TCF20: variants seen among roughly 807,000 people sequenced by gnomAD.
TCF20 encodes the protein transcription factor 20, also known as SPRE-binding protein.
In TCF20, 3 loss-of-function variants were observed where a neutral mutation model predicts 148.6. The observed-to-expected ratio is 0.02, with a 90% confidence interval of 0.01 to 0.05. The LOEUF (loss-of-function observed/expected upper bound fraction) is 0.05, where lower values mean the gene tolerates loss of function less well. Among genes scored for constraint, TCF20 ranks in the 10% least tolerant of loss-of-function variants. TCF20 has a pLI of 1.00. For missense variants in TCF20, 2,350 were observed against 2,429.3 expected, an observed-to-expected ratio of 0.97 and a Z score of 0.69; for synonymous variants, 1,049 against 909.5, an observed-to-expected ratio of 1.15 and a Z score of -2.76.
At chr22:42,312,893 T>G (rs1008622048) in intron 1 of TCF20, among the ~76,000 whole-genome samples, 1 of 152,140 alleles carries the variant, frequency 6.6e-6, no homozygotes, top group African/African-American at 2.4e-5. Context: ...AAGGCCCACG[T>G]CTGCAGAGCC....
At chr22:42,340,139 T>C (rs1353940431) in intron 1 of TCF20, among the ~76,000 whole-genome samples, 2 of 152,132 alleles carry the variant, frequency 1.3e-5, no homozygotes, top group Non-Finnish European at 2.9e-5. Context: ...ACTGGCCCCC[T>C]TAGAGCCGTC....
chr22:42,284,153 C>G (rs1926977329), upstream of TCF20, among the ~76,000 whole-genome samples: 1 of 151,978 alleles, frequency 6.6e-6, no homozygotes, highest in African/African-American at 2.4e-5. Flanking sequence ...GGGGAGCACC[C>G]GATCCCCCCT....
At chr22:42,170,261 G>A (rs1314876568) in intron 3 of TCF20, among the ~76,000 whole-genome samples, 2 of 151,534 alleles carry the variant, frequency 1.3e-5, no homozygotes, top group East Asian at 1.9e-4. Flanking sequence ...CACTTTGGGA[G>A]GCCGAGGCAG....
In TCF20 at chr22:42,270,616, G is replaced by A. The variant is rs923577936; in HGVS notation, c.-314C>T. 2.1e-5 allele frequency among the ~76,000 whole-genome samples: 3 copies of A among 144,528 alleles called. No homozygotes were observed. The South Asian group carries it at 6.4e-4, about 31-fold the overall frequency. The allele number at this position is 144,528 out of a possible 152,430, so 94.8% of individuals were successfully genotyped here. On this transcript the variant is annotated 5_prime_UTR_variant, in exon 1 of 6. Transcript: ENST00000677622. ...GGGGCCGAAAGCGGCTGGGCTCGGG[G>A]TTTTTTCTCTCCATTCTCCCAACAC...
intron 1 of TCF20, among the ~76,000 whole-genome samples, chr22:42,294,497 T>G (rs1361835580): frequency 4.6e-5 from 7 of 152,092 alleles, no homozygotes. Context: ...TGGCAGGCAG[T>G]GCTCCCAGGC....
Position 42,243,292 on chromosome 22 carries a change from CAAAAAAAA to C in TCF20, c.-37+27039_-37+27046del, listed in dbSNP as rs3045578. Among the ~76,000 whole-genome samples, 126 of 39,482 alleles carry C rather than the reference CAAAAAAAA, an allele frequency of 3.2e-3. 1 individual carries two copies. Among genetic ancestry groups the C allele is most frequent in the South Asian group, 7.9e-3 (6 of 758 alleles). The allele number at this position is 39,482 out of a possible 152,430, so 25.9% of individuals were successfully genotyped here. A position where few individuals can be genotyped will look rare whatever the true frequency, so the allele number is the denominator to read the frequency against. ...TGGCTGGCAGAGCAAGACACTGTCT[CAAAAAAAA>C]AAAAAAAAAAAAAAAAAAAAAGTCA... On this transcript the variant is annotated intron_variant, in intron 1 of 5. Coordinates refer to ENST00000677622, the MANE Select transcript of TCF20 (RefSeq NM_001378418.1).
rs1935415073 is a variant in TCF20 at position 42,160,994 on chromosome 22, G to C, written c.*409C>G. On this transcript the variant is annotated 3_prime_UTR_variant, in exon 6 of 6. Transcript: ENST00000677622. ...TCTTTAACGAGATAATTTTAAAACA[G>C]AATCAAAAGGGATAGCGCACCTTTC... The C allele has an allele frequency of 9.8e-6, 2 of 204,050 alleles. No homozygotes were observed. The highest frequency in any genetic ancestry group is 2.3e-5 in the African/African-American group (1 of 43,212). 12.6% of individuals were successfully genotyped at this position (204,050 alleles called of 1,614,324 possible). A position where few individuals can be genotyped will look rare whatever the true frequency, so the allele number is the denominator to read the frequency against.
At chr22:42,248,703 A>G (rs988471749) in intron 1 of TCF20, among the ~76,000 whole-genome samples, 1 of 152,238 alleles carries the variant, frequency 6.6e-6, no homozygotes, top group Non-Finnish European at 1.5e-5. Context: ...CCAAAAGATT[A>G]AAATCCCAAA....
upstream of TCF20, among the ~76,000 whole-genome samples, chr22:42,271,530 G>T (rs1390171064): frequency 6.6e-6 from 1 of 152,060 alleles, no homozygotes; most frequent in Non-Finnish European, 1.5e-5. Flanking sequence ...CTAATATGTA[G>T]ATGTTGGTGC....
intron 2 of TCF20, among the ~76,000 whole-genome samples, chr22:42,188,394 C>T (rs148497020): frequency 1.7e-3 from 259 of 149,772 alleles, no homozygotes; most frequent in African/African-American, 5.9e-3. Flanking sequence ...CCTTGGCTAA[C>T]GAAAGTAAAA....
Position 42,179,795 on chromosome 22 carries a change from C to A in TCF20, c.5656-93G>T. On this transcript the variant is annotated intron_variant, in intron 2 of 5. Transcript: ENST00000677622. ...GGTCCCCATCTGTTAGACCTCAGCA[C>A]GTGTCTCTGTGGTTAGAGGAGTCCG... is the stretch of plus-strand genomic sequence containing the variant. 10 of 822,420 alleles carry A rather than the reference C, an allele frequency of 1.2e-5. No homozygotes were observed. The South Asian group carries it at 1.4e-4, about 12-fold the overall frequency. The allele number at this position is 822,420 out of a possible 1,614,324, so 50.9% of individuals were successfully genotyped here.
chr22:42,172,119 A>G (rs1032916628), intron 3 of TCF20, among the ~76,000 whole-genome samples: 2 of 152,208 alleles, frequency 1.3e-5, no homozygotes, highest in Non-Finnish European at 2.9e-5. Flanking sequence ...GGCAGTGTCC[A>G]TCTCTGACAA....
rs1569144383 is a variant in TCF20 at position 42,210,580 on chromosome 22, T to TTGGCTC, written c.4720_4725dup (p.Glu1574_Pro1575dup). On this transcript the variant is annotated inframe_insertion, in exon 2 of 6. Coordinates refer to ENST00000677622, the MANE Select transcript of TCF20 (RefSeq NM_001378418.1). This position sits in a 1 kb window ranked among gnomAD's most constrained non-coding sequence, Gnocchi z 4.7. The stretch of plus-strand genomic sequence containing the variant: ...CTCCTTTGCCTCTGTTTTTTTGGCT[T>TTGGCTC]TGGCTCTCCATCTGCAGAACCTTCT... The TTGGCTC allele has an allele frequency of 6.2e-7, 1 of 1,614,018 alleles. No homozygotes were observed. Among genetic ancestry groups the TTGGCTC allele is most frequent in the African/African-American group, 1.3e-5 (1 of 74,896 alleles).
At chr22:42,243,639 T>A (rs5751250) in intron 1 of TCF20, among the ~76,000 whole-genome samples, 1 of 151,748 alleles carries the variant, frequency 6.6e-6, no homozygotes, top group Non-Finnish European at 1.5e-5. Flanking sequence ...GAACTGGACT[T>A]GAGTTAATAA....
rs1927663630 is a variant in TCF20, at chr22:42,317,979, C to G, written c.-37+25500G>C. 6.6e-6 allele frequency among the ~76,000 whole-genome samples: 1 copy of G among 152,212 alleles called. No homozygotes were observed. The highest frequency in any genetic ancestry group is 6.5e-5 in the Admixed American group (1 of 15,310). Reference sequence around the variant, plus strand: ...CCCAGAGCCCTATGGGGCAGGCAGGCCCAGGCCCAGACAAGCCCCTGCACA... The same window carrying G: ...CCCAGAGCCCTATGGGGCAGGCAGGGCCAGGCCCAGACAAGCCCCTGCACA... On this transcript the variant is annotated intron_variant, in intron 1 of 1. Coordinates refer to the TCF20 transcript ENST00000515426. This position sits in a 1 kb window ranked among gnomAD's most constrained non-coding sequence, Gnocchi z 4.2.
intron 1 of TCF20, among the ~76,000 whole-genome samples, chr22:42,240,898 C>T (rs528055104): frequency 3.3e-5 from 5 of 152,212 alleles, no homozygotes; most frequent in African/African-American, 4.8e-5. Flanking sequence ...CTGTCCCCCC[C>T]AGGCTGGAGT....
intron 2 of TCF20, among the ~76,000 whole-genome samples, chr22:42,187,669 C>A (rs968364128): frequency 1.4e-4 from 22 of 152,158 alleles, no homozygotes; most frequent in African/African-American, 5.3e-4. Flanking sequence ...GTGGGACCAG[C>A]CTGTCTGCAG....
chr22:42,199,956 T>C (rs1411260172), intron 2 of TCF20, among the ~76,000 whole-genome samples: 4 of 70,326 alleles, frequency 5.7e-5, no homozygotes, highest in Admixed American at 1.3e-4. Flanking sequence ...TTTTTGGGAT[T>C]CTCTGGGTTT....
At chr22:42,202,431 G>C (rs1044585323) in intron 2 of TCF20, among the ~76,000 whole-genome samples, 3 of 152,212 alleles carry the variant, frequency 2.0e-5, no homozygotes, top group African/African-American at 7.2e-5. Flanking sequence ...GTGAAGCACA[G>C]AGGTTAAGTG....
Sources: allele counts gnomAD v4.1 joint callset (sites outside exome capture counted in the v4.1 genomes callset), GRCh38; gene constraint gnomAD v4.1.1; non-coding constraint Gnocchi (gnomAD v3.1); transcripts MANE v1.5; gene names NCBI Gene and HGNC (gene_info 2026-07-23, HGNC 2026-07-21).